Variants in LDLRAD3 observed in about 807,000 individuals in gnomAD.
The protein encoded by LDLRAD3 is low-density lipoprotein receptor class A domain-containing protein 3.
LDLRAD3 carries 20 observed loss-of-function variants against 29.4 expected under a neutral mutation model. The ratio of observed to expected loss-of-function variants is 0.68; its 90% CI spans 0.48 to 0.99. The LOEUF (loss-of-function observed/expected upper bound fraction) is 0.99. LDLRAD3 is among the 50% of genes least tolerant of loss of function. LDLRAD3 has a pLI of 0.00. For missense variants in LDLRAD3, 420 were observed against 454.3 expected (o/e 0.92, Z 0.69); for synonymous variants, 157 against 192.7 (o/e 0.81, Z 1.53).
At chr11:36,142,582 T>TC (rs931327667) in intron 4 of LDLRAD3, among the ~76,000 whole-genome samples, 18 of 152,190 alleles carry the variant, frequency 1.2e-4, no homozygotes, top group African/African-American at 4.1e-4. Context: ...ACTGTCTGGT[T>TC]CCCGCCCCCG....
At chr11:36,144,746 C>T (rs1174389400) in intron 4 of LDLRAD3, among the ~76,000 whole-genome samples, 17 of 130,242 alleles carry the variant, frequency 1.3e-4, no homozygotes, top group African/African-American at 2.3e-4. Flanking sequence ...CCACCCCGTC[C>T]GGGAGGGAGG....
chr11:36,087,958 A>G (rs1232458992), intron 3 of LDLRAD3, among the ~76,000 whole-genome samples: 1 of 151,940 alleles, frequency 6.6e-6, no homozygotes, highest in East Asian at 1.9e-4. Context: ...GCCTCAAGAA[A>G]TCCACCCTGC....
chr11:36,143,901 G>GCTCCCT (rs1221537607), intron 4 of LDLRAD3, among the ~76,000 whole-genome samples: 703 of 60,254 alleles, frequency 0.012, 4 homozygotes, highest in African/African-American at 0.079. Flanking sequence ...AGTGTTGGAG[G>GCTCCCT]CTCCCTCTCC....
At chr11:36,149,659 A>T (rs997809781) in intron 4 of LDLRAD3, among the ~76,000 whole-genome samples, 2 of 152,176 alleles carry the variant, frequency 1.3e-5, no homozygotes, top group Non-Finnish European at 2.9e-5. Context: ...TGTGGCTCCC[A>T]GCGCTGTAGT....
At chr11:35,998,044 G>A (rs1851777489) in intron 1 of LDLRAD3, among the ~76,000 whole-genome samples, 1 of 152,170 alleles carries the variant, frequency 6.6e-6, no homozygotes, top group Admixed American at 6.5e-5. Context: ...CCAGGGACAG[G>A]GTCAGGGCGT....
chr11:36,042,007 C>T (rs998529505), intron 2 of LDLRAD3, among the ~76,000 whole-genome samples: 3 of 152,118 alleles, frequency 2.0e-5, no homozygotes, highest in Non-Finnish European at 2.9e-5. Flanking sequence ...TTTTACTGTT[C>T]CTGACCGTTT....
At position 36,081,119 on chromosome 11, in the gene LDLRAD3, A is replaced by G. The variant is rs562853214; in HGVS notation, c.194-534A>G. Among the ~76,000 whole-genome samples, 21 of 152,226 alleles carry G rather than the reference A, an allele frequency of 1.4e-4. No individual in the cohort carries two copies. The South Asian group carries it at 2.7e-3, about 20-fold the overall frequency. On this transcript the variant is annotated intron_variant, in intron 2 of 5. Coordinates refer to ENST00000315571, the MANE Select transcript of LDLRAD3 (RefSeq NM_174902.4). ...CCAGACTCCAGCCAAGGAAGAGCCAACCTTGCAAGGAGGTCTTTGTAAGCG... is the reference window on the plus strand; with the variant it reads ...CCAGACTCCAGCCAAGGAAGAGCCAGCCTTGCAAGGAGGTCTTTGTAAGCG...
At chr11:36,116,066 C>A (rs989286949) in intron 4 of LDLRAD3, among the ~76,000 whole-genome samples, 2 of 152,192 alleles carry the variant, frequency 1.3e-5, no homozygotes, top group African/African-American at 4.8e-5. Context: ...CAAAGGCAAC[C>A]AGGCCTGCCT....
chr11:36,099,133 A>G (rs951231600), intron 4 of LDLRAD3, among the ~76,000 whole-genome samples: 1 of 151,990 alleles, frequency 6.6e-6, no homozygotes, highest in Admixed American at 6.6e-5. Flanking sequence ...TTTTCTGTGA[A>G]TTGCCTCCTT....
intron 4 of LDLRAD3, among the ~76,000 whole-genome samples, chr11:36,108,093 G>A (rs976548933): frequency 6.6e-6 from 1 of 151,840 alleles, no homozygotes; most frequent in Non-Finnish European, 1.5e-5. Context: ...GGCAGATCAC[G>A]AGGTCAGGAG....
At chr11:36,221,630 A>ATGTCTAAAAATAAAAATAAAGAAACTGAG in intron 4 of LDLRAD3, among the ~76,000 whole-genome samples, 2 of 152,206 alleles carry the variant, frequency 1.3e-5, no homozygotes, top group Non-Finnish European at 2.9e-5. Flanking sequence ...GCAAGACCTT[A>ATGTCTAAAAATAAAAATAAAGAAACTGAG]TGTCTAAAAA....
At chr11:35,974,021 T>C (rs1843854951) in intron 1 of LDLRAD3, among the ~76,000 whole-genome samples, 2 of 152,236 alleles carry the variant, frequency 1.3e-5, no homozygotes, top group African/African-American at 4.8e-5. Context: ...TGCTTTTTTT[T>C]CCCTATTGAG....
chr11:35,975,242 A>T (rs1851461194), intron 1 of LDLRAD3, among the ~76,000 whole-genome samples: 1 of 152,206 alleles, frequency 6.6e-6, no homozygotes, highest in Non-Finnish European at 1.5e-5. Context: ...TTTATTAGGG[A>T]TTATGTTCAT....
chr11:36,177,010 T>C (rs1054189093), intron 4 of LDLRAD3, among the ~76,000 whole-genome samples: 2 of 152,142 alleles, frequency 1.3e-5, no homozygotes, highest in African/African-American at 4.8e-5. Flanking sequence ...GTTCAATTTT[T>C]TTTTTCTTTT....
intron 2 of LDLRAD3, among the ~76,000 whole-genome samples, chr11:36,059,136 TAAGAG>T (rs1266939923): frequency 6.6e-6 from 1 of 151,990 alleles, no homozygotes; most frequent in Non-Finnish European, 1.5e-5. Context: ...GAGGCTAAGG[TAAGAG>T]GACCACTTGA....
intron 4 of LDLRAD3, among the ~76,000 whole-genome samples, chr11:36,137,067 C>T (rs191192941): frequency 6.6e-6 from 1 of 152,290 alleles, no homozygotes; most frequent in Non-Finnish European, 1.5e-5. Context: ...CACAGTTACC[C>T]AAAGCCCTAC....
At chr11:35,994,959 A>G (rs922946839) in intron 1 of LDLRAD3, among the ~76,000 whole-genome samples, 1 of 152,176 alleles carries the variant, frequency 6.6e-6, no homozygotes, top group East Asian at 1.9e-4. Context: ...TCTTTCCACT[A>G]CATCTGCAGT....
intron 2 of LDLRAD3, among the ~76,000 whole-genome samples, chr11:36,037,252 C>A (rs988087748): frequency 1.3e-5 from 2 of 152,178 alleles, no homozygotes; most frequent in African/African-American, 4.8e-5. Context: ...TGTGTCCTGG[C>A]TCTGAGCCTG....
intron 4 of LDLRAD3, among the ~76,000 whole-genome samples, chr11:36,210,834 C>T (rs1565307320): frequency 6.6e-6 from 1 of 152,202 alleles, no homozygotes; most frequent in Non-Finnish European, 1.5e-5. Flanking sequence ...CCTGTAGGAA[C>T]ATTTCAGTAG....
Sources: gnomAD v4.1 joint callset for allele counts (sites outside exome capture counted in the v4.1 genomes callset) on GRCh38, gnomAD v4.1.1 for gene constraint, MANE v1.5 for transcripts, NCBI Gene and HGNC (gene_info 2026-07-23, HGNC 2026-07-21) for gene names.